The following COLGALT1 variants were observed in gnomAD, a reference collection of about 807,000 sequenced individuals.
COLGALT1 encodes the protein procollagen galactosyltransferase 1.
In COLGALT1, 43 loss-of-function variants were observed where a neutral mutation model predicts 60.8. That is an observed-to-expected ratio of 0.71 (90% CI 0.55 to 0.91). COLGALT1 has a LOEUF of 0.91. COLGALT1 is among the 40% of genes least tolerant of loss of function. The pLI is 0.00. For synonymous variants in COLGALT1, 369 were observed against 374.2 expected, an observed-to-expected ratio of 0.99 and a Z score of 0.16; for missense variants, 845 against 880.0, an observed-to-expected ratio of 0.96 and a Z score of 0.50.
chr19:17,562,016 C>T (rs1475283119), intron 3 of COLGALT1, among the ~76,000 whole-genome samples: 1 of 151,984 alleles, frequency 6.6e-6, no homozygotes, highest in Non-Finnish European at 1.5e-5. Context: ...GATTACAGGC[C>T]CCCGCCATCA....
At position 17,581,771 on chromosome 19, in the gene COLGALT1, A is replaced by G. The variant is rs748906235; in HGVS notation, c.*327A>G. ...TGAATGAGGCATAATTGTTCCCTCC[A>G]TCAGCGATTGATTCAGTCATCAAGC... On this transcript the variant is annotated 3_prime_UTR_variant, in exon 12 of 12. Coordinates refer to ENST00000252599, the MANE Select transcript of COLGALT1 (RefSeq NM_024656.4). 3 of 372,386 alleles carry G rather than the reference A, an allele frequency of 8.1e-6. No homozygotes were observed. Among genetic ancestry groups the G allele is most frequent in the South Asian group, 3.8e-5 (1 of 26,304 alleles). The allele number at this position is 372,386 out of a possible 1,614,324, so 23.1% of individuals were successfully genotyped here. A position where few individuals can be genotyped will look rare whatever the true frequency, so the allele number is the denominator to read the frequency against.
At chr19:17,579,330 T>G in intron 9 of COLGALT1, 152 bp from the exon 10 acceptor site, 1 of 1,042,206 alleles carries the variant, frequency 9.6e-7, no homozygotes, top group Non-Finnish European at 1.4e-6. Context: ...GGGCAGAGGT[T>G]TGGATGTCCA....
Position 17,581,747 on chromosome 19 carries a change from G to A in COLGALT1, c.*303G>A, listed in dbSNP as rs550765838. 2 of 439,010 alleles carry A rather than the reference G, an allele frequency of 4.6e-6. No homozygotes were observed. Among genetic ancestry groups the A allele is most frequent in the African/African-American group, 2.0e-5 (1 of 51,214 alleles). The allele number at this position is 439,010 out of a possible 1,614,324, so 27.2% of individuals were successfully genotyped here. On this transcript the variant is annotated 3_prime_UTR_variant, in exon 12 of 12. Transcript: ENST00000252599. ...TGCAAGGTTCCCATGTTACGGCAGT[G>A]AATGAGGCATAATTGTTCCCTCCAT...
intron 6 of COLGALT1, among the ~76,000 whole-genome samples, chr19:17,576,189 G>A (rs2076339255): frequency 6.6e-6 from 1 of 152,142 alleles, no homozygotes; most frequent in African/African-American, 2.4e-5. Context: ...CCTTCCCAAA[G>A]GGCTCACAAC....
chr19:17,563,342 C>T (rs2076260459), intron 3 of COLGALT1, among the ~76,000 whole-genome samples: 1 of 150,730 alleles, frequency 6.6e-6, no homozygotes, highest in Non-Finnish European at 1.5e-5. Flanking sequence ...AGATGCTTGC[C>T]ACCATGCCCG....
rs200996348 is a variant in COLGALT1, at chr19:17,580,774, C to T, written c.1470C>T (p.Ala490=). 6.9e-5 allele frequency: 111 copies of T among 1,614,064 alleles called. No individual in the cohort carries two copies. The East Asian group carries it at 9.8e-4, about 14-fold the overall frequency. The change falls in exon 11 of 12, where the codon GCC becomes GCT. Residue 490 remains alanine, a synonymous_variant. Coordinates refer to ENST00000252599, the MANE Select transcript of COLGALT1 (RefSeq NM_024656.4). ...CTCGCGTGAGGAACCTGGTGGAGGCCGACTATTCCTACTGGACCCTGGCCT... is the reference window on the plus strand; with the variant it reads ...CTCGCGTGAGGAACCTGGTGGAGGCTGACTATTCCTACTGGACCCTGGCCT... The part of the protein sequence containing the change: ...AVPRVRNLVE[A]DYSYWTLAYV...
intron 9 of COLGALT1, among the ~76,000 whole-genome samples, chr19:17,578,418 T>C (rs1013128685): frequency 7.2e-5 from 11 of 152,128 alleles, no homozygotes; most frequent in Admixed American, 1.3e-4. Context: ...TGTTTAGTAC[T>C]AGAAGTCATG....
In COLGALT1 at chr19:17,568,701, TGCA is replaced by T; in HGVS notation, c.818_820del (p.Cys273_Lys274delinsTer). On this transcript the variant is annotated stop_gained and inframe_deletion, in exon 5 of 12. Transcript: ENST00000252599. LOFTEE classifies it high-confidence loss of function. ...CGACATCATCGTCTTTGCCTTCTCC[TGCA>T]AGCAGGCAGGTACGTACATGAGGGG... is the stretch of plus-strand genomic sequence containing the variant. The T allele has an allele frequency of 6.2e-7, 1 of 1,614,176 alleles. No individual in the cohort carries two copies. Among genetic ancestry groups the T allele is most frequent in the East Asian group, 2.2e-5 (1 of 44,880 alleles).
chr19:17,556,124 C>G (rs1185926676), intron 1 of COLGALT1, 151 bp downstream of exon 1: 2 of 920,010 alleles, frequency 2.2e-6, no homozygotes, highest in East Asian at 6.7e-5. Context: ...CGGGACGGTT[C>G]TACGCATGCC....
intron 3 of COLGALT1, among the ~76,000 whole-genome samples, chr19:17,562,533 G>A (rs575720004): frequency 1.2e-4 from 19 of 152,160 alleles, no homozygotes; most frequent in African/African-American, 4.3e-4. Flanking sequence ...ATGGTGATGC[G>A]CGCCTGTAAC....
intron 6 of COLGALT1, among the ~76,000 whole-genome samples, chr19:17,572,814 G>A (rs1404736426): frequency 6.6e-6 from 1 of 152,224 alleles, no homozygotes; most frequent in Non-Finnish European, 1.5e-5. Context: ...GCATGCTTGG[G>A]GTTGTCGGGT....
At chr19:17,559,478 C>T (rs1172687745) in intron 2 of COLGALT1, 57 bp downstream of exon 2, 1 of 1,316,000 alleles carries the variant, frequency 7.6e-7, no homozygotes, top group East Asian at 2.5e-5. Flanking sequence ...CTCACACACC[C>T]TCTATGGCTC....
At chr19:17,567,169 A>G (rs2076284216) in intron 3 of COLGALT1, among the ~76,000 whole-genome samples, 1 of 152,090 alleles carries the variant, frequency 6.6e-6, no homozygotes, top group Non-Finnish European at 1.5e-5. Flanking sequence ...TTTATTTCTC[A>G]GGGCTATCTC....
At position 17,577,923 on chromosome 19, in the gene COLGALT1, A is replaced by G. The variant is rs763296995; in HGVS notation, c.1134-34A>G. ...GATGGCAGAATGGCAGGCAGGGTGA[A>G]CCTTCTTCGTGACCCTCTCCTCCTC... On this transcript the variant is annotated intron_variant, in intron 8 of 11. Coordinates refer to ENST00000252599, the MANE Select transcript of COLGALT1 (RefSeq NM_024656.4). The G allele has an allele frequency of 3.2e-6, 5 of 1,580,782 alleles. No homozygotes were observed. In the African/African-American group the frequency reaches 6.8e-5, roughly 21 times the overall value.
chr19:17,577,224 T>G lies in COLGALT1; in HGVS notation c.979T>G (p.Phe327Val). 2 of 1,577,158 alleles carry G rather than the reference T, an allele frequency of 1.3e-6. No homozygotes were observed. Among genetic ancestry groups the G allele is most frequent in the Non-Finnish European group, 1.7e-6 (2 of 1,164,898 alleles). ...GCACCCGCCCGCAGAGCCCTCCCGC[T>G]TCATCTCGGCTCCCACCAAGACACC... ...VKHPPAEPSRFISAPTKTPDK... is the reference protein window; with the variant it reads ...VKHPPAEPSRVISAPTKTPDK... The change falls in exon 7 of 12, where the codon TTC becomes GTC. Residue 327 changes from phenylalanine to valine, a missense_variant. By Grantham distance (50) the Phe-to-Val change is conservative (BLOSUM62 -1). Transcript: ENST00000252599.
intron 3 of COLGALT1, among the ~76,000 whole-genome samples, chr19:17,563,810 G>T (rs1388825734): frequency 6.6e-6 from 1 of 152,166 alleles, no homozygotes; most frequent in East Asian, 1.9e-4. Context: ...TTATATTTTT[G>T]TAACTGGGGA....
In COLGALT1 at chr19:17,575,984, CAT is replaced by C. The variant is rs1460695072; in HGVS notation, c.950-1210_950-1209del. ...CATGACATAGTGCATGATCTCATGA[CAT>C]CTCTTTGTGAAACCTCTCAGTGGCT... On this transcript the variant is annotated intron_variant, in intron 6 of 11. Transcript: ENST00000252599. Among the ~76,000 whole-genome samples, 19 of 152,290 alleles carry C rather than the reference CAT, an allele frequency of 1.2e-4. No homozygotes were observed. In the Middle Eastern group the frequency reaches 0.014, roughly 109 times the overall value.
In COLGALT1 at chr19:17,581,649, C is replaced by G. The variant is rs2076383614; in HGVS notation, c.*205C>G. The G allele has an allele frequency of 1.5e-6, 1 of 684,574 alleles. No individual in the cohort carries two copies. Among genetic ancestry groups the G allele is most frequent in the African/African-American group, 1.8e-5 (1 of 55,374 alleles). The allele number at this position is 684,574 out of a possible 1,614,324, so 42.4% of individuals were successfully genotyped here. A position where few individuals can be genotyped will look rare whatever the true frequency, so the allele number is the denominator to read the frequency against. ...ACTGCATGCCAGCAACAGGGCTTGG[C>G]CCTGGGGAATTGGGAGGAACCAAGC... On this transcript the variant is annotated 3_prime_UTR_variant, in exon 12 of 12. Coordinates refer to ENST00000252599, the MANE Select transcript of COLGALT1 (RefSeq NM_024656.4).
At chr19:17,565,219 G>A (rs1599782029) in intron 3 of COLGALT1, among the ~76,000 whole-genome samples, 1 of 151,756 alleles carries the variant, frequency 6.6e-6, no homozygotes, top group Non-Finnish European at 1.5e-5. Context: ...GCAGTGGCAC[G>A]ATCTCGGCTC....
Sources: allele counts gnomAD v4.1 joint callset (sites outside exome capture counted in the v4.1 genomes callset), GRCh38; gene constraint gnomAD v4.1.1; transcripts MANE v1.5; gene names NCBI Gene and HGNC (gene_info 2026-07-23, HGNC 2026-07-21).